Variants in PTPRT observed in about 807,000 individuals in gnomAD.
PTPRT encodes the protein receptor-type tyrosine-protein phosphatase T.
PTPRT carries 56 observed loss-of-function variants against 176.8 expected under a neutral mutation model. The ratio of observed to expected loss-of-function variants is 0.32; its 90% CI spans 0.26 to 0.40. PTPRT has a LOEUF of 0.40. PTPRT is among the 10% of genes least tolerant of loss of function. The pLI is 1.00. For missense variants in PTPRT, 1,540 were observed against 1,908.2 expected (o/e 0.81, Z 3.60); for synonymous variants, 783 against 739.0 (o/e 1.06, Z -0.96).
At chr20:43,090,420 A>G (rs555601130) in intron 1 of PTPRT, among the ~76,000 whole-genome samples, 2 of 152,144 alleles carry the variant, frequency 1.3e-5, no homozygotes, top group African/African-American at 2.4e-5. Flanking sequence ...GGCGCCCGCC[A>G]CCACGCCTGG....
At position 42,933,997 on chromosome 20, in the gene PTPRT, G is replaced by A. The variant is rs182852554; in HGVS notation, c.89-48065C>T. On this transcript the variant is annotated intron_variant, in intron 1 of 30. Coordinates refer to ENST00000373187, the MANE Select transcript of PTPRT (RefSeq NM_007050.6). ...TATCTGAAAATACATGCAACAGTCT[G>A]GAACTCATTTTTCCCCAGTGCCTAA... Among the ~76,000 whole-genome samples, 337 of 152,316 alleles carry A rather than the reference G, an allele frequency of 2.2e-3. 1 individual carries two copies. The highest frequency in any genetic ancestry group is 7.8e-3 in the African/African-American group (323 of 41,570).
intron 1 of PTPRT, among the ~76,000 whole-genome samples, chr20:43,012,194 C>G (rs999344731): frequency 6.6e-6 from 1 of 152,140 alleles, no homozygotes; most frequent in Non-Finnish European, 1.5e-5. Flanking sequence ...TAATTCTGTC[C>G]CTCTAGCGAA....
chr20:43,083,308 C>A (rs2011489804), intron 1 of PTPRT, among the ~76,000 whole-genome samples: 1 of 77,626 alleles, frequency 1.3e-5, no homozygotes, highest in African/African-American at 4.1e-5. Flanking sequence ...ATAAGATTCA[C>A]CCACTTCAAA....
intron 9 of PTPRT, among the ~76,000 whole-genome samples, chr20:42,404,987 T>TATATATATATATATATATATAC (rs1555843282): frequency 1.8e-4 from 25 of 135,898 alleles, no homozygotes; most frequent in African/African-American, 4.1e-4. Flanking sequence ...TATATATATA[T>TATATATATATATATATATATAC]ACACACACAC....
intron 7 of PTPRT, among the ~76,000 whole-genome samples, chr20:42,481,804 ACG>A (rs149328532): frequency 0.042 from 5,935 of 142,844 alleles, 134 homozygotes; most frequent in Non-Finnish European, 0.056. Context: ...ACACACACAC[ACG>A]CGCGCATGTA....
At chr20:42,934,898 G>A (rs567970349) in intron 1 of PTPRT, among the ~76,000 whole-genome samples, 20 of 151,882 alleles carry the variant, frequency 1.3e-4, no homozygotes, top group African/African-American at 3.6e-4. Flanking sequence ...GTGGAACCAC[G>A]TCTCTATTAA....
chr20:42,361,217 A>G (rs1370043569), intron 9 of PTPRT, among the ~76,000 whole-genome samples: 1 of 152,204 alleles, frequency 6.6e-6, no homozygotes, highest in Admixed American at 6.5e-5. Context: ...AGCTGGGTCC[A>G]TGCCTGTCCG....
At chr20:42,489,447 G>A (rs1385312352) in intron 7 of PTPRT, among the ~76,000 whole-genome samples, 1 of 151,834 alleles carries the variant, frequency 6.6e-6, no homozygotes, top group Non-Finnish European at 1.5e-5. Context: ...TTTCTGTTGC[G>A]GGTTAAGCCA....
At chr20:42,040,723 G>A in the PTPRT span, among the ~76,000 whole-genome samples, 1 of 152,184 alleles carries the variant, frequency 6.6e-6, no homozygotes, top group Non-Finnish European at 1.5e-5. Flanking sequence ...ATCAAGATCT[G>A]ACATAAATAC....
At chr20:42,096,756 ATTTTTTTTTTTTTT>A (rs58111170) in intron 27 of PTPRT, among the ~76,000 whole-genome samples, 3 of 118,868 alleles carry the variant, frequency 2.5e-5, no homozygotes, top group African/African-American at 9.4e-5. Context: ...GCTAATTAAA[ATTTTTTTTTTTTTT>A]TTTTTTTTTT....
Position 43,189,544 on chromosome 20 carries a change from G to T in PTPRT, c.88+102C>A. On this transcript the variant is annotated intron_variant, in intron 1 of 30. Coordinates refer to ENST00000373187, the MANE Select transcript of PTPRT (RefSeq NM_007050.6). The surrounding 1 kb of genome is among the most constrained non-coding windows in gnomAD (Gnocchi z 5.0). ...TCCGGCCATGGGGACCCGCGCCCCC[G>T]CGAGCCCACACAACTTTCTCCTCCG... The T allele has an allele frequency of 1.4e-6, 1 of 737,226 alleles. No individual in the cohort carries two copies. The highest frequency in any genetic ancestry group is 1.8e-5 in the African/African-American group (1 of 54,400). The allele number at this position is 737,226 out of a possible 1,614,324, so 45.7% of individuals were successfully genotyped here.
chr20:42,411,007 C>A (rs2059010213), intron 9 of PTPRT, among the ~76,000 whole-genome samples: 1 of 151,658 alleles, frequency 6.6e-6, no homozygotes, highest in South Asian at 2.1e-4. Flanking sequence ...ATTTAAGCTT[C>A]TAAATTAAGA....
intron 6 of PTPRT, among the ~76,000 whole-genome samples, chr20:42,705,553 G>GGT (rs2076040989): frequency 6.6e-6 from 1 of 152,138 alleles, no homozygotes; most frequent in South Asian, 2.1e-4. Context: ...GCTTGACCAT[G>GGT]GTGTGGCTAG....
chr20:42,255,206 C>A (rs117455970), intron 13 of PTPRT, among the ~76,000 whole-genome samples: 1 of 152,170 alleles, frequency 6.6e-6, no homozygotes. Flanking sequence ...TGCAAGCTTG[C>A]GTCTAGATGC....
At chr20:42,518,933 G>A (rs2072119044) in intron 7 of PTPRT, among the ~76,000 whole-genome samples, 1 of 152,036 alleles carries the variant, frequency 6.6e-6, no homozygotes. Flanking sequence ...GGTAACTGTA[G>A]ATGTACATGC....
intron 7 of PTPRT, among the ~76,000 whole-genome samples, chr20:42,648,820 G>GTTTTTTTTTTTTTTTTTTTT (rs68036487): frequency 8.9e-6 from 1 of 111,838 alleles, no homozygotes; most frequent in African/African-American, 3.7e-5. Context: ...TGGTGTCGTT[G>GTTTTTTTTTTTTTTTTTTTT]TTTTTTTTTT....
intron 1 of PTPRT, among the ~76,000 whole-genome samples, chr20:42,889,472 A>G (rs1014777608): frequency 5.9e-5 from 9 of 152,222 alleles, no homozygotes; most frequent in African/African-American, 2.2e-4. Flanking sequence ...TGTCAATTCT[A>G]TTCCACTCTG....
chr20:42,887,595 C>A (rs1421491106), intron 1 of PTPRT, among the ~76,000 whole-genome samples: 14 of 152,188 alleles, frequency 9.2e-5, no homozygotes, highest in Non-Finnish European at 2.1e-4. Context: ...CCATCAGCTG[C>A]AAAGAACCAA....
intron 7 of PTPRT, among the ~76,000 whole-genome samples, chr20:42,632,477 C>T (rs1600508072): frequency 6.6e-6 from 1 of 152,162 alleles, no homozygotes; most frequent in East Asian, 1.9e-4. Context: ...CTCACCTCGA[C>T]CTCCCAAAGT....
Sources: allele counts gnomAD v4.1 joint callset (sites outside exome capture counted in the v4.1 genomes callset), GRCh38; gene constraint gnomAD v4.1.1; non-coding constraint Gnocchi (gnomAD v3.1); transcripts MANE v1.5; gene names NCBI Gene and HGNC (gene_info 2026-07-23, HGNC 2026-07-21).